The following ATP1A1 variants were observed in gnomAD, a reference collection of about 807,000 sequenced individuals.
ATP1A1 encodes the protein sodium/potassium-transporting ATPase subunit alpha-1.
ATP1A1 carries 14 observed loss-of-function variants against 114.8 expected under a neutral mutation model. The observed-to-expected ratio is 0.12, with a 90% CI of 0.08 to 0.19. The LOEUF (loss-of-function observed/expected upper bound fraction) is 0.19. Among genes scored for constraint, ATP1A1 ranks in the 10% least tolerant of loss-of-function variants. The probability of loss-of-function intolerance (pLI) is 1.00; values close to 1 mark genes in which losing one functional copy is unlikely to be tolerated. For missense variants in ATP1A1, 524 were observed against 1,290.7 expected, an observed-to-expected ratio of 0.41 and a Z score of 9.10; for synonymous variants, 471 against 466.3, an observed-to-expected ratio of 1.01 and a Z score of -0.13.
chr1:116,380,764 T>G (rs1651692762), intron 1 of ATP1A1, among the ~76,000 whole-genome samples: 1 of 152,184 alleles, frequency 6.6e-6, no homozygotes, highest in African/African-American at 2.4e-5. Context: ...TGGGCACCTT[T>G]TCCCTCTACC....
chr1:116,404,460 G>C lies in ATP1A1; in HGVS notation c.*16G>C. 2 of 1,607,018 alleles carry C rather than the reference G, an allele frequency of 1.2e-6. No individual in the cohort carries two copies. Among genetic ancestry groups the C allele is most frequent in the Non-Finnish European group, 1.7e-6 (2 of 1,177,938 alleles). On this transcript the variant is annotated 3_prime_UTR_variant, in exon 23 of 23. Coordinates refer to ENST00000295598, the MANE Select transcript of ATP1A1 (RefSeq NM_000701.8). The surrounding 1 kb of genome is among the most constrained non-coding windows in gnomAD (Gnocchi z 4.8). ...CTACTATTAGCCCCCCGTCCTGCAC[G>C]CCGTGGAGCATCAGGCCACACACTC... is the stretch of plus-strand genomic sequence containing the variant.
rs1450613751 is a variant in ATP1A1 at position 116,373,826 on chromosome 1, C to T, written c.12+303C>T. 4.6e-6 allele frequency: 5 copies of T among 1,094,450 alleles called. No individual in the cohort carries two copies. The African/African-American group carries it at 8.2e-5, about 18-fold the overall frequency. The allele number at this position is 1,094,450 out of a possible 1,614,324, so 67.8% of individuals were successfully genotyped here. ...CGAGCGGGCCGGGGGCTCCGAGAGG[C>T]GGTGCTTGGGAAGCCTCGGGGCCGG... On this transcript the variant is annotated intron_variant, in intron 1 of 22. Coordinates refer to ENST00000295598, the MANE Select transcript of ATP1A1 (RefSeq NM_000701.8).
Position 116,388,992 on chromosome 1 carries a change from G to A in ATP1A1, c.727G>A (p.Ala243Thr). ...NENPLETRNIAFFSTNCVEGT... is the reference protein window; with the variant it reads ...NENPLETRNITFFSTNCVEGT... ...AAACCCCCTGGAGACGAGGAACATT[G>A]CCTTCTTTTCAACCAATTGTGTTGA... The change falls in exon 7 of 23, where the codon GCC becomes ACC. Residue 243 changes from alanine to threonine, a missense_variant. By Grantham distance (58) the Ala-to-Thr change is moderately conservative. Coordinates refer to ENST00000295598, the MANE Select transcript of ATP1A1 (RefSeq NM_000701.8). The surrounding 1 kb of genome is among the most constrained non-coding windows in gnomAD (Gnocchi z 5.6). The A allele has an allele frequency of 1.9e-6, 3 of 1,614,168 alleles. No homozygotes were observed. Among genetic ancestry groups the A allele is most frequent in the Non-Finnish European group, 2.5e-6 (3 of 1,180,028 alleles).
At chr1:116,373,591 G>A in intron 1 of ATP1A1, 68 bp downstream of exon 1, 1 of 1,335,862 alleles carries the variant, frequency 7.5e-7, no homozygotes, top group Non-Finnish European at 9.7e-7. Flanking sequence ...GAAGTCGGGA[G>A]GGCGACCGCG....
intron 1 of ATP1A1, among the ~76,000 whole-genome samples, chr1:116,379,286 C>T (rs903683173): frequency 6.6e-6 from 1 of 152,092 alleles, no homozygotes; most frequent in African/African-American, 2.4e-5. Flanking sequence ...ACTGCTTTGG[C>T]CTTGGTAAAT....
chr1:116,393,495 A>G lies in ATP1A1; in HGVS notation c.1468-36A>G, dbSNP rs1652639677. 2 of 1,580,676 alleles carry G rather than the reference A, an allele frequency of 1.3e-6. No individual in the cohort carries two copies. ...TCCACCATGGACTGCCACACATCCA[A>G]CCATCCAATGTTTATGTCTCAACAA... is the stretch of plus-strand genomic sequence containing the variant. On this transcript the variant is annotated intron_variant, in intron 11 of 22. Transcript: ENST00000295598. This position sits in a 1 kb window ranked among gnomAD's most constrained non-coding sequence, Gnocchi z 5.0.
Position 116,399,651 on chromosome 1 carries a change from C to T in ATP1A1, c.2572+108C>T, listed in dbSNP as rs1021906246. 7.4e-6 allele frequency: 11 copies of T among 1,487,588 alleles called. No individual in the cohort carries two copies. The highest frequency in any genetic ancestry group is 2.6e-5 in the South Asian group (2 of 77,378). The allele number at this position is 1,487,588 out of a possible 1,614,324, so 92.1% of individuals were successfully genotyped here. On this transcript the variant is annotated intron_variant, in intron 18 of 22. Coordinates refer to ENST00000295598, the MANE Select transcript of ATP1A1 (RefSeq NM_000701.8). The surrounding 1 kb of genome is among the most constrained non-coding windows in gnomAD (Gnocchi z 5.0). The stretch of plus-strand genomic sequence containing the variant: ...AGAGACTGCAAATCCAGGCGACTTT[C>T]AGGTCTAGGATGAGCCCTAACGGAG...
At position 116,401,248 on chromosome 1, in the gene ATP1A1, A is replaced by G; in HGVS notation, c.2837A>G (p.Gln946Arg). ...AAGACCAGGAGGAATTCGGTCTTCC[A>G]GCAGGGGATGAAGTAAGTAATGAAG... ...ICKTRRNSVFQQGMKNKILIF... is the reference protein window; with the variant it reads ...ICKTRRNSVFRQGMKNKILIF... Residue 946 changes from glutamine (Q) to arginine (R), a missense_variant, in exon 20 of 23, where the codon CAG becomes CGG. Physicochemically the swap from Gln to Arg is conservative, Grantham distance 43 (BLOSUM62 1). This residue lies in a region of ATP1A1 where 84 missense variants were observed against 209.3 expected (regional missense o/e 0.40). Coordinates refer to ENST00000295598, the MANE Select transcript of ATP1A1 (RefSeq NM_000701.8). The surrounding 1 kb of genome is among the most constrained non-coding windows in gnomAD (Gnocchi z 4.7). 6.2e-7 allele frequency: 1 copy of G among 1,614,218 alleles called. No homozygotes were observed. The highest frequency in any genetic ancestry group is 8.5e-7 in the Non-Finnish European group (1 of 1,180,038).
chr1:116,390,417 G>C lies in ATP1A1; in HGVS notation c.1222+6G>C. 1.9e-6 allele frequency: 3 copies of C among 1,613,570 alleles called. No homozygotes were observed. The highest frequency in any genetic ancestry group is 2.5e-6 in the Non-Finnish European group (3 of 1,179,716). The stretch of plus-strand genomic sequence containing the variant: ...TACGACAGAGAATCAGAGTGGTAAG[G>C]CCAGGGTTACCACACACCTCAGCCA... On this transcript the variant is annotated splice_donor_region_variant and intron_variant, in intron 9 of 22. Transcript: ENST00000295598.
At chr1:116,373,780 G>C (rs1651154781) in intron 1 of ATP1A1, 1 of 1,205,414 alleles carries the variant, frequency 8.3e-7, no homozygotes, top group Non-Finnish European at 1.0e-6. Flanking sequence ...ACCCTGGGCG[G>C]GGGCTGCGCG....
rs1252899109 is a variant in ATP1A1, at chr1:116,385,713, T to G, written c.183+871T>G. The G allele has an allele frequency of 6.6e-6, 1 of 152,072 alleles. No individual in the cohort carries two copies. The highest frequency in any genetic ancestry group is 1.5e-5 in the Non-Finnish European group (1 of 67,982). 9.4% of individuals were successfully genotyped at this position (152,072 alleles called of 1,614,324 possible). On this transcript the variant is annotated intron_variant, in intron 3 of 22. Coordinates refer to ENST00000295598, the MANE Select transcript of ATP1A1 (RefSeq NM_000701.8). This position sits in a 1 kb window ranked among gnomAD's most constrained non-coding sequence, Gnocchi z 4.3. ...AGGCAGGACTCTAATCTTGTTCCAC[T>G]TTTCTGATTTTCCAGGTAGATAGTG...
Position 116,397,589 on chromosome 1 carries a change from G to A in ATP1A1, c.1974-299G>A, listed in dbSNP as rs1483468334. 6.6e-6 allele frequency among the ~76,000 whole-genome samples: 1 copy of A among 152,158 alleles called. No homozygotes were observed. The highest frequency in any genetic ancestry group is 1.5e-5 in the Non-Finnish European group (1 of 68,048). ...CCCAAAGTGCTGGGATTACAGGCAT[G>A]AGCCACACACCCAGCTAAAACTTGG... On this transcript the variant is annotated intron_variant, in intron 14 of 22. Transcript: ENST00000295598. This position sits in a 1 kb window ranked among gnomAD's most constrained non-coding sequence, Gnocchi z 4.2.
Position 116,399,089 on chromosome 1 carries a change from G to T in ATP1A1, c.2448+5G>T. 1 of 1,614,130 alleles carries T rather than the reference G, an allele frequency of 6.2e-7. No homozygotes were observed. Among genetic ancestry groups the T allele is most frequent in the Non-Finnish European group, 8.5e-7 (1 of 1,180,020 alleles). ...ATTGACTTGGGCACTGACATGGTGA[G>T]TGTCACAACAGTCACAGATCGATAG... On this transcript the variant is annotated splice_donor_5th_base_variant and intron_variant, in intron 17 of 22. Coordinates refer to ENST00000295598, the MANE Select transcript of ATP1A1 (RefSeq NM_000701.8). This position sits in a 1 kb window ranked among gnomAD's most constrained non-coding sequence, Gnocchi z 5.0.
chr1:116,378,519 G>A (rs1353902108), intron 1 of ATP1A1, among the ~76,000 whole-genome samples: 3 of 152,200 alleles, frequency 2.0e-5, no homozygotes, highest in African/African-American at 4.8e-5. Context: ...GCCTTGCTGT[G>A]TAGATCGGTG....
intron 1 of ATP1A1, among the ~76,000 whole-genome samples, chr1:116,375,960 A>G (rs1243465510): frequency 6.6e-6 from 1 of 152,260 alleles, no homozygotes; most frequent in Non-Finnish European, 1.5e-5. Flanking sequence ...ATGAAAGAAC[A>G]GCTCTTGCTG....
intron 1 of ATP1A1, among the ~76,000 whole-genome samples, chr1:116,380,728 G>A (rs1271281929): frequency 2.0e-5 from 3 of 152,162 alleles, no homozygotes; most frequent in Non-Finnish European, 4.4e-5. Context: ...GGTTCCTCCT[G>A]TCAAGAATTT....
chr1:116,386,455 C>T (rs1652101333), intron 3 of ATP1A1, among the ~76,000 whole-genome samples: 2 of 152,112 alleles, frequency 1.3e-5, no homozygotes, highest in Admixed American at 1.3e-4. Flanking sequence ...AATTAAAGCA[C>T]TGAATTCAGT....
Position 116,381,613 on chromosome 1 carries a change from A to C in ATP1A1, c.13-2401A>C, listed in dbSNP as rs11805713. ...TAAAGAAAAAGGAGAGTTATTAGGG[A>C]ATCTAAATTCCCAACTAACTTTAGC... On this transcript the variant is annotated intron_variant, in intron 1 of 22. Coordinates refer to ENST00000295598, the MANE Select transcript of ATP1A1 (RefSeq NM_000701.8). The surrounding 1 kb of genome is among the most constrained non-coding windows in gnomAD (Gnocchi z 5.1). Among the ~76,000 whole-genome samples the C allele has an allele frequency of 0.084, 12,818 of 152,262 alleles. 1,266 individuals carry two copies. The highest frequency in any genetic ancestry group is 0.24 in the African/African-American group (9,997 of 41,520).
intron 12 of ATP1A1, among the ~76,000 whole-genome samples, chr1:116,394,442 T>A (rs1292457131): frequency 6.6e-6 from 1 of 152,096 alleles, no homozygotes; most frequent in South Asian, 2.1e-4. Flanking sequence ...TCTCTTTAAG[T>A]GTTTTTCACT....
Sources: gnomAD v4.1 joint callset for allele counts (sites outside exome capture counted in the v4.1 genomes callset) on GRCh38, gnomAD v4.1.1 for gene constraint, gnomAD v4.1.1 regional missense constraint, Gnocchi (gnomAD v3.1) non-coding constraint, MANE v1.5 for transcripts, NCBI Gene and HGNC (gene_info 2026-07-23, HGNC 2026-07-21) for gene names.